Variants in DNAH7 observed in about 807,000 individuals in gnomAD.
The protein encoded by DNAH7 is axonemal beta dynein heavy chain 7.
DNAH7 carries 397 observed loss-of-function variants against 444.6 expected under a neutral mutation model. That is an observed-to-expected ratio of 0.89 (90% CI 0.82 to 0.97). The LOEUF (loss-of-function observed/expected upper bound fraction) is 0.97, where lower values mean the gene tolerates loss of function less well. Ranked by LOEUF, DNAH7 falls within the 50% of genes least tolerant of loss-of-function variation. DNAH7 has a pLI of 0.00. For synonymous variants in DNAH7, 1,636 were observed against 1,624.4 expected (o/e 1.01, Z -0.17); for missense variants, 4,902 against 4,800.8 (o/e 1.02, Z -0.62).
At chr2:195,910,743 G>T (rs946881700) in intron 24 of DNAH7, among the ~76,000 whole-genome samples, 1 of 152,082 alleles carries the variant, frequency 6.6e-6, no homozygotes, top group Non-Finnish European at 1.5e-5. Context: ...TATAAATCTA[G>T]AAGTCTTGAA....
chr2:195,801,934 T>C (rs1009128794), intron 54 of DNAH7, among the ~76,000 whole-genome samples: 3 of 152,088 alleles, frequency 2.0e-5, no homozygotes, highest in African/African-American at 7.2e-5. Context: ...ATATGGAAAA[T>C]GTATAGGTGA....
At chr2:195,950,430 T>C (rs968449198) in intron 19 of DNAH7, among the ~76,000 whole-genome samples, 1 of 152,214 alleles carries the variant, frequency 6.6e-6, no homozygotes, top group Non-Finnish European at 1.5e-5. Context: ...TGGTAGTTTG[T>C]ATTTCTGTGG....
intron 19 of DNAH7, among the ~76,000 whole-genome samples, chr2:195,942,805 G>T (rs760183560): frequency 3.3e-5 from 5 of 152,038 alleles, no homozygotes; most frequent in Admixed American, 6.6e-5. Flanking sequence ...CTCTACCTAT[G>T]AGAGAAATCA....
chr2:195,846,332 T>C (rs1054234879), intron 46 of DNAH7, among the ~76,000 whole-genome samples: 2 of 152,130 alleles, frequency 1.3e-5, no homozygotes, highest in Non-Finnish European at 2.9e-5. Context: ...CCAATCAGAA[T>C]GGCTTTTGTT....
rs1218691127 is a variant in DNAH7, at chr2:195,778,632, ATAAAT to A, written c.10879-652_10879-648del. On this transcript the variant is annotated intron_variant, in intron 58 of 64. Coordinates refer to ENST00000312428, the MANE Select transcript of DNAH7 (RefSeq NM_018897.3). ...AGACCCTGTCTGAAAAAAAAAAAAA[ATAAAT>A]AAATAAATATATATATATATATATA... is the stretch of plus-strand genomic sequence containing the variant. 9.5e-3 allele frequency among the ~76,000 whole-genome samples: 546 copies of A among 57,204 alleles called. 53 individuals are homozygous for A. The highest frequency in any genetic ancestry group is 0.011 in the Non-Finnish European group (372 of 34,730). 37.5% of individuals were successfully genotyped at this position (57,204 alleles called of 152,430 possible).
chr2:196,049,681 G>A (rs970780102), intron 3 of DNAH7, among the ~76,000 whole-genome samples: 4 of 152,232 alleles, frequency 2.6e-5, no homozygotes, highest in Admixed American at 6.5e-5. Context: ...GAATGCTGAG[G>A]AAAAATTGCA....
At chr2:195,940,780 A>G (rs538313995) in intron 19 of DNAH7, among the ~76,000 whole-genome samples, 16 of 152,318 alleles carry the variant, frequency 1.1e-4, no homozygotes, top group Admixed American at 3.9e-4. Context: ...AAAGCTCATC[A>G]TCACTTGTTA....
At chr2:195,749,824 G>A (rs994332318) in intron 63 of DNAH7, among the ~76,000 whole-genome samples, 1 of 140,686 alleles carries the variant, frequency 7.1e-6, no homozygotes, top group African/African-American at 2.6e-5. Context: ...ACACTCTGGG[G>A]ACTGTTGTGG....
At chr2:195,747,544 A>C (rs896663000) in intron 63 of DNAH7, among the ~76,000 whole-genome samples, 17 of 152,218 alleles carry the variant, frequency 1.1e-4, no homozygotes, top group Non-Finnish European at 2.4e-4. Context: ...AAAAAAGAGA[A>C]TTTTAGACCA....
chr2:195,909,332 T>C (rs1479806693), intron 25 of DNAH7, among the ~76,000 whole-genome samples: 2 of 152,186 alleles, frequency 1.3e-5, no homozygotes, highest in Non-Finnish European at 2.9e-5. Context: ...CATTTTGTGT[T>C]CAGTTGTGTC....
intron 54 of DNAH7, 50 bp from the exon 55 acceptor site, chr2:195,799,522 A>T: frequency 7.0e-7 from 1 of 1,425,504 alleles, no homozygotes; most frequent in Non-Finnish European, 9.2e-7. Flanking sequence ...ATCTGCCTAA[A>T]ACCATTAAAA....
chr2:195,963,989 C>T (rs1176126469), intron 17 of DNAH7, among the ~76,000 whole-genome samples: 2 of 152,152 alleles, frequency 1.3e-5, no homozygotes, highest in Admixed American at 6.5e-5. Flanking sequence ...TCTGCCAGTA[C>T]CATGCTGCTT....
chr2:195,759,027 G>T (rs1461234874), intron 61 of DNAH7, among the ~76,000 whole-genome samples: 1 of 152,210 alleles, frequency 6.6e-6, no homozygotes, highest in Non-Finnish European at 1.5e-5. Flanking sequence ...GTGGCTTGCG[G>T]GGGGCATGCC....
chr2:195,844,318 C>T (rs374914349), intron 47 of DNAH7, among the ~76,000 whole-genome samples: 33 of 152,208 alleles, frequency 2.2e-4, no homozygotes, highest in East Asian at 1.4e-3. Context: ...TCTGTGCTAT[C>T]GTTAACATGC....
intron 63 of DNAH7, among the ~76,000 whole-genome samples, chr2:195,751,861 A>G (rs1693817569): frequency 6.6e-6 from 1 of 152,216 alleles, no homozygotes; most frequent in Non-Finnish European, 1.5e-5. Context: ...CCAAAGGCTG[A>G]TATTATCTAT....
chr2:195,828,747 G>T (rs561210123), intron 48 of DNAH7, among the ~76,000 whole-genome samples: 13 of 151,630 alleles, frequency 8.6e-5, no homozygotes, highest in African/African-American at 3.1e-4. Flanking sequence ...TTGGTGTGAA[G>T]TGAGACTCTG....
At chr2:195,947,190 T>C (rs1255709283) in intron 19 of DNAH7, among the ~76,000 whole-genome samples, 2 of 150,436 alleles carry the variant, frequency 1.3e-5, no homozygotes, top group African/African-American at 4.9e-5. Flanking sequence ...AGAGACGGGG[T>C]TTCACCATGT....
intron 45 of DNAH7, among the ~76,000 whole-genome samples, chr2:195,854,995 C>T (rs1255452213): frequency 6.6e-6 from 1 of 152,126 alleles, no homozygotes; most frequent in African/African-American, 2.4e-5. Context: ...GGAAAGAGTA[C>T]AGCTATTGGA....
intron 22 of DNAH7, among the ~76,000 whole-genome samples, chr2:195,924,767 A>G (rs1395857015): frequency 6.6e-6 from 1 of 152,192 alleles, no homozygotes; most frequent in African/African-American, 2.4e-5. Context: ...AATAAACAAA[A>G]CATTGAATAT....
Sources: gnomAD v4.1 joint callset for allele counts (sites outside exome capture counted in the v4.1 genomes callset) on GRCh38, gnomAD v4.1.1 for gene constraint, MANE v1.5 for transcripts, NCBI Gene and HGNC (gene_info 2026-07-23, HGNC 2026-07-21) for gene names.